Variants in GON4L observed in about 807,000 individuals in gnomAD.
GON4L encodes the protein gon-4 like, also known as GON-4-like protein.
GON4L carries 87 observed loss-of-function variants against 211.8 expected under a neutral mutation model. The ratio of observed to expected loss-of-function variants is 0.41; its 90% confidence interval spans 0.35 to 0.49. The LOEUF is 0.49. Among genes scored for constraint, GON4L ranks in the 20% least tolerant of loss-of-function variants. The pLI is 0.15. For missense variants in GON4L, 2,155 were observed against 2,659.5 expected, an observed-to-expected ratio of 0.81 and a Z score of 4.17; for synonymous variants, 875 against 962.6, an observed-to-expected ratio of 0.91 and a Z score of 1.68.
At chr1:155,837,144 T>C (rs1670384910) in intron 2 of GON4L, among the ~76,000 whole-genome samples, 1 of 150,110 alleles carries the variant, frequency 6.7e-6, no homozygotes, top group Admixed American at 6.8e-5. Context: ...TAGTCCCTCC[T>C]AAAATCATAA....
intron 2 of GON4L, chr1:155,845,414 C>A: frequency 3.0e-6 from 1 of 334,166 alleles, no homozygotes; most frequent in South Asian, 2.6e-5. Context: ...AGTCCACCCC[C>A]AGGTACTGCT....
Position 155,777,780 on chromosome 1 carries a change from G to A in GON4L, c.1933C>T (p.Arg645Trp), listed in dbSNP as rs775748392. The A allele has an allele frequency of 3.6e-5, 58 of 1,613,216 alleles. No individual in the cohort carries two copies. The highest frequency in any genetic ancestry group is 4.7e-5 in the Non-Finnish European group (55 of 1,179,292). The change falls in exon 15 of 32, where the codon CGG becomes TGG. Residue 645 changes from arginine (R) to tryptophan (W), a missense_variant. By Grantham distance (101) the Arg-to-Trp change is moderately radical. This residue lies in a region of GON4L where 551 missense variants were observed against 854.0 expected (regional missense o/e 0.65). Coordinates refer to ENST00000368331, the MANE Select transcript of GON4L (RefSeq NM_001282860.2). ...TGTTCAAATAGCTCCTTCACTGTCC[G>A]ATGTTGTTCATTTAACAGGTTGGCC... ...PLANLLNEQH[R>W]TVKELFEQLK...
In GON4L at chr1:155,752,155, G is replaced by A. The variant is rs1660668587; in HGVS notation, c.6278C>T (p.Pro2093Leu). The change falls in exon 30 of 32, where the codon CCT (proline) becomes CTT (leucine). Residue 2093 changes from proline (P) to leucine (L), a missense_variant. Transcript: ENST00000368331. ...AATTCCTGATGGAGATTCATGGACA[G>A]GGCACGTCCTGTCTCTTGTCTTCAC... is the stretch of plus-strand genomic sequence containing the variant. ...ARVKTRDRTC[P>L]VHESPSGIDT... is the part of the protein sequence containing the mutation. The A allele has an allele frequency of 6.2e-7, 1 of 1,613,442 alleles. No homozygotes were observed. Among genetic ancestry groups the A allele is most frequent in the Non-Finnish European group, 8.5e-7 (1 of 1,179,436 alleles).
In GON4L at chr1:155,766,577, C is replaced by T. The variant is rs1174118200; in HGVS notation, c.2896G>A (p.Glu966Lys). 6.2e-7 allele frequency: 1 copy of T among 1,614,016 alleles called. No homozygotes were observed. The highest frequency in any genetic ancestry group is 2.2e-5 in the East Asian group (1 of 44,894). ...LEKDNLELGS[E>K]SRYPLLLPKG... ...GGCAATAGCAGTGGGTACCGAGATT[C>T]ACTCCCCAACTCCAAATTGTCTTTT... is the stretch of plus-strand genomic sequence containing the variant. Residue 966 changes from glutamate to lysine, a missense_variant, in exon 21 of 32, where the codon GAA (glutamate) becomes AAA (lysine). This residue lies in a region of GON4L where 615 missense variants were observed against 625.7 expected (regional missense o/e 0.98). Coordinates refer to ENST00000368331, the MANE Select transcript of GON4L (RefSeq NM_001282860.2).
At chr1:155,833,841 T>C (rs562970176) in intron 2 of GON4L, among the ~76,000 whole-genome samples, 1 of 151,364 alleles carries the variant, frequency 6.6e-6, no homozygotes, top group South Asian at 2.1e-4. Context: ...TTTTTCTTTT[T>C]TTTACAGACA....
rs1668645282 is a variant in GON4L at position 155,820,653 on chromosome 1, GCTC to G, written c.964_966del (p.Glu322del). On this transcript the variant is annotated inframe_deletion and splice_region_variant, in exon 6 of 32. Transcript: ENST00000368331. ...TTCAGTTTAGAGCGTGTCATTTTAG[GCTC>G]CTAAGGAGAAAAAAACAGAAAGGAA... 6.2e-7 allele frequency: 1 copy of G among 1,603,684 alleles called. No individual in the cohort carries two copies. The highest frequency in any genetic ancestry group is 1.3e-5 in the African/African-American group (1 of 74,656).
At chr1:155,795,507 A>G (rs1665978036) in intron 11 of GON4L, among the ~76,000 whole-genome samples, 1 of 152,242 alleles carries the variant, frequency 6.6e-6, no homozygotes, top group South Asian at 2.1e-4. Flanking sequence ...GAATGACTAT[A>G]TAATTATAAT....
chr1:155,817,489 G>C (rs1571848752), intron 6 of GON4L, among the ~76,000 whole-genome samples: 1 of 152,246 alleles, frequency 6.6e-6, no homozygotes, highest in Non-Finnish European at 1.5e-5. Flanking sequence ...CATTTATCTA[G>C]TGCTGTGTAG....
intron 2 of GON4L, 47 bp downstream of exon 2, chr1:155,853,229 A>G: frequency 6.7e-7 from 1 of 1,489,822 alleles, no homozygotes; most frequent in South Asian, 1.1e-5. Flanking sequence ...TAGCAATGGC[A>G]AAGTGGTATT....
intron 2 of GON4L, among the ~76,000 whole-genome samples, chr1:155,847,531 G>A (rs186987348): frequency 9.2e-5 from 14 of 152,160 alleles, no homozygotes; most frequent in South Asian, 6.2e-4. Context: ...GTGAAACCCC[G>A]TCTCTACTAA....
intron 10 of GON4L, among the ~76,000 whole-genome samples, chr1:155,806,543 T>C (rs1244036888): frequency 6.6e-6 from 1 of 152,110 alleles, no homozygotes; most frequent in Admixed American, 6.6e-5. Context: ...GTAATCCTCC[T>C]GCCTTGGCCT....
intron 2 of GON4L, among the ~76,000 whole-genome samples, chr1:155,845,015 G>T (rs966303484): frequency 2.0e-5 from 3 of 152,176 alleles, no homozygotes; most frequent in Non-Finnish European, 4.4e-5. Context: ...GTGCTAGGCA[G>T]GGCCAATGCC....
chr1:155,779,264 A>G lies in GON4L; in HGVS notation c.1893-1444T>C, dbSNP rs3021451. Among the ~76,000 whole-genome samples the G allele has an allele frequency of 2.4e-4, 34 of 143,786 alleles. 1 individual carries two copies. The highest frequency in any genetic ancestry group is 2.1e-4 in the East Asian group (1 of 4,848). The allele number at this position is 143,786 out of a possible 152,430, so 94.3% of individuals were successfully genotyped here. On this transcript the variant is annotated intron_variant, in intron 14 of 31. Transcript: ENST00000368331. The stretch of plus-strand genomic sequence containing the variant: ...GCAAGACTCTGTCTCAAAAAAAAAA[A>G]AAAAAAAAAAGAAAAAAGAAAGAAA...
rs1401383688 is a variant in GON4L, at chr1:155,760,489, G to A, written c.5064C>T (p.Asp1688=). The part of the protein sequence containing the change: ...LLQDWPQLLK[D]FAAFLLPEQA... ...GCTCAGGTAACAGGAAAGCAGCAAAGTCTTTCAACAGCTGAGGCCAGTCTT... is the reference window on the plus strand; with the variant it reads ...GCTCAGGTAACAGGAAAGCAGCAAAATCTTTCAACAGCTGAGGCCAGTCTT... Residue 1688 remains aspartate, a synonymous_variant, in exon 24 of 32, where the codon GAC becomes GAT. Coordinates refer to ENST00000368331, the MANE Select transcript of GON4L (RefSeq NM_001282860.2). 1.9e-6 allele frequency: 3 copies of A among 1,613,278 alleles called. No homozygotes were observed. The highest frequency in any genetic ancestry group is 3.3e-5 in the Admixed American group (2 of 59,982).
chr1:155,854,220 C>T (rs1571956308), intron 1 of GON4L, among the ~76,000 whole-genome samples: 3 of 152,304 alleles, frequency 2.0e-5, no homozygotes, highest in South Asian at 2.1e-4. Flanking sequence ...GGCGCAATCT[C>T]GGTTCACTGC....
chr1:155,786,715 T>C (rs1664978975), intron 12 of GON4L, among the ~76,000 whole-genome samples: 1 of 152,178 alleles, frequency 6.6e-6, no homozygotes, highest in Non-Finnish European at 1.5e-5. Context: ...TTCAAAATTA[T>C]ATTTTCTCAA....
At chr1:155,788,236 G>A (rs375538307) in intron 12 of GON4L, among the ~76,000 whole-genome samples, 19 of 151,124 alleles carry the variant, frequency 1.3e-4, no homozygotes, top group African/African-American at 4.6e-4. Context: ...CAAGTGATCT[G>A]CCTGCCTCAG....
chr1:155,814,749 A>AATAC (rs1484489654), intron 8 of GON4L, among the ~76,000 whole-genome samples: 1 of 151,552 alleles, frequency 6.6e-6, no homozygotes, highest in Non-Finnish European at 1.5e-5. Flanking sequence ...CTGTCTCAAA[A>AATAC]ATAAATAAAT....
At chr1:155,827,704 A>C (rs1405782480) in intron 2 of GON4L, among the ~76,000 whole-genome samples, 6 of 151,670 alleles carry the variant, frequency 4.0e-5, no homozygotes, top group Non-Finnish European at 8.8e-5. Flanking sequence ...ACACACAAAA[A>C]AAAAAGCCAG....
Sources: gnomAD v4.1 joint callset for allele counts (sites outside exome capture counted in the v4.1 genomes callset) on GRCh38, gnomAD v4.1.1 for gene constraint, gnomAD v4.1.1 regional missense constraint, MANE v1.5 for transcripts, NCBI Gene and HGNC (gene_info 2026-07-23, HGNC 2026-07-21) for gene names.